Variants in CNTN4 observed in about 807,000 individuals in gnomAD.
CNTN4 encodes the protein contactin-4.
Under a neutral mutation model 122.5 loss-of-function variants are expected in CNTN4, and 77 were observed. That is an observed-to-expected ratio of 0.63 (90% CI 0.52 to 0.76). The LOEUF (loss-of-function observed/expected upper bound fraction) is 0.76. Among genes scored for constraint, CNTN4 ranks in the 30% least tolerant of loss-of-function variants. The probability of loss-of-function intolerance (pLI) is 0.00; values close to 1 mark genes in which losing one functional copy is unlikely to be tolerated. For missense variants in CNTN4, 1,256 were observed against 1,259.1 expected (o/e 1.00, Z 0.04); for synonymous variants, 512 against 447.0 (o/e 1.15, Z -1.83).
intron 13 of CNTN4, among the ~76,000 whole-genome samples, chr3:2,947,282 C>G (rs376623613): frequency 3.9e-5 from 6 of 152,170 alleles, no homozygotes; most frequent in Admixed American, 3.9e-4. Flanking sequence ...AGAATATGTT[C>G]TCTTATGCCC....
chr3:2,792,448 G>A (rs371682513), intron 6 of CNTN4, among the ~76,000 whole-genome samples: 1 of 152,154 alleles, frequency 6.6e-6, no homozygotes, highest in African/African-American at 2.4e-5. Flanking sequence ...TCTTAGTTTT[G>A]AGTGAGATGT....
chr3:2,718,650 A>T (rs1234028898), intron 4 of CNTN4, among the ~76,000 whole-genome samples: 1 of 152,082 alleles, frequency 6.6e-6, no homozygotes, highest in Non-Finnish European at 1.5e-5. Flanking sequence ...TGTATTTTTT[A>T]TTATTTTTGC....
At chr3:2,294,630 AAAC>A (rs965942108) in intron 2 of CNTN4, among the ~76,000 whole-genome samples, 17 of 152,130 alleles carry the variant, frequency 1.1e-4, no homozygotes, top group Non-Finnish European at 2.1e-4. Flanking sequence ...CCTGTTTCAA[AAAC>A]AACAACAACA....
intron 4 of CNTN4, among the ~76,000 whole-genome samples, chr3:2,627,660 A>ATTT (rs574105704): frequency 6.6e-6 from 1 of 151,470 alleles, no homozygotes; most frequent in East Asian, 1.9e-4. Context: ...CGCCTGGCTA[A>ATTT]TTTTTTGTAT....
intron 2 of CNTN4, among the ~76,000 whole-genome samples, chr3:2,125,923 G>GTGTGTGTGTA (rs1224674544): frequency 1.3e-5 from 2 of 150,690 alleles, no homozygotes; most frequent in Non-Finnish European, 3.0e-5. Flanking sequence ...GTGTGTGTGT[G>GTGTGTGTGTA]TGTGTATGTG....
intron 4 of CNTN4, among the ~76,000 whole-genome samples, chr3:2,672,186 TG>T (rs1020413282): frequency 6.6e-6 from 1 of 152,214 alleles, no homozygotes; most frequent in African/African-American, 2.4e-5. Flanking sequence ...TGCTGCCTTT[TG>T]TTTGGCTATG....
intron 4 of CNTN4, among the ~76,000 whole-genome samples, chr3:2,581,882 T>C (rs1432858435): frequency 2.0e-5 from 3 of 152,186 alleles, no homozygotes; most frequent in Non-Finnish European, 4.4e-5. Flanking sequence ...GCTAAGTGAA[T>C]GAAGCCAGAG....
At chr3:2,288,281 GC>G (rs929394303) in intron 2 of CNTN4, among the ~76,000 whole-genome samples, 6 of 152,160 alleles carry the variant, frequency 3.9e-5, no homozygotes, top group Admixed American at 3.9e-4. Flanking sequence ...TCTGGTGAGG[GC>G]CTCAGGCTGC....
intron 3 of CNTN4, among the ~76,000 whole-genome samples, chr3:2,538,409 A>G (rs1043682804): frequency 3.3e-5 from 5 of 152,094 alleles, no homozygotes; most frequent in Non-Finnish European, 5.9e-5. Context: ...TTCATAAACT[A>G]TTCTTTATCT....
At chr3:2,921,454 G>A (rs1027402149) in intron 12 of CNTN4, among the ~76,000 whole-genome samples, 2 of 152,174 alleles carry the variant, frequency 1.3e-5, no homozygotes, top group Admixed American at 6.5e-5. Context: ...GAAATTTGGG[G>A]TCTCATAATC....
intron 10 of CNTN4, among the ~76,000 whole-genome samples, chr3:2,895,762 C>T (rs1479387693): frequency 7.9e-5 from 12 of 152,188 alleles, no homozygotes; most frequent in Non-Finnish European, 1.3e-4. Context: ...GGGCTGGGCG[C>T]AGTGGCTCAC....
At chr3:2,964,802 C>A (rs1692134287) in intron 13 of CNTN4, among the ~76,000 whole-genome samples, 1 of 152,150 alleles carries the variant, frequency 6.6e-6, no homozygotes, top group Non-Finnish European at 1.5e-5. Context: ...GTTGAGAAAA[C>A]TGACACCTTT....
At chr3:2,843,518 G>A (rs960953995) in intron 7 of CNTN4, among the ~76,000 whole-genome samples, 1 of 152,118 alleles carries the variant, frequency 6.6e-6, no homozygotes, top group Non-Finnish European at 1.5e-5. Context: ...ATGTTTAATT[G>A]TAACCCCCCA....
Position 2,274,094 on chromosome 3 carries a change from G to A in CNTN4, c.-144-65084G>A, listed in dbSNP as rs151331689. Among the ~76,000 whole-genome samples, 162 of 152,100 alleles carry A rather than the reference G, an allele frequency of 1.1e-3. No homozygotes were observed. The East Asian group carries it at 0.029, about 27-fold the overall frequency. ...ACCCACATCTTCATCTAAAAATCAA[G>A]GAATGAGGCTGGATACCGTGGCTCA... On this transcript the variant is annotated intron_variant, in intron 2 of 24. Transcript: ENST00000418658.
At chr3:2,929,509 A>G (rs1043110026) in intron 13 of CNTN4, among the ~76,000 whole-genome samples, 1 of 152,196 alleles carries the variant, frequency 6.6e-6, no homozygotes, top group Admixed American at 6.5e-5. Flanking sequence ...ACCCAACTCA[A>G]AAGGACAAAC....
At chr3:2,905,690 A>G (rs2094222805) in intron 12 of CNTN4, among the ~76,000 whole-genome samples, 1 of 152,262 alleles carries the variant, frequency 6.6e-6, no homozygotes, top group Admixed American at 6.5e-5. Flanking sequence ...CATAAGAACA[A>G]TAAAGGCATG....
chr3:2,385,472 C>G lies in CNTN4; in HGVS notation c.-89+46239C>G, dbSNP rs938387792. ...TTGTATTAGTTTCTTAGGACTGCCA[C>G]AGCAAAGTACCATACACAGGGTGAC... On this transcript the variant is annotated intron_variant, in intron 3 of 24. Coordinates refer to ENST00000418658, the MANE Select transcript of CNTN4 (RefSeq NM_175607.3). The surrounding 1 kb of genome is among the most constrained non-coding windows in gnomAD (Gnocchi z 4.0). 6.6e-6 allele frequency among the ~76,000 whole-genome samples: 1 copy of G among 152,062 alleles called. No individual in the cohort carries two copies. The highest frequency in any genetic ancestry group is 1.5e-5 in the Non-Finnish European group (1 of 68,028).
At chr3:2,771,003 C>A (rs554324641) in intron 6 of CNTN4, among the ~76,000 whole-genome samples, 3 of 152,218 alleles carry the variant, frequency 2.0e-5, no homozygotes, top group Non-Finnish European at 4.4e-5. Flanking sequence ...TTCCCCTTCA[C>A]TGGTAGTGTC....
intron 13 of CNTN4, among the ~76,000 whole-genome samples, chr3:2,938,664 C>T (rs547805945): frequency 6.6e-6 from 1 of 152,278 alleles, no homozygotes; most frequent in South Asian, 2.1e-4. Context: ...TTTCCTGTTA[C>T]TCATTTCATA....
Sources: gnomAD v4.1 joint callset for allele counts (sites outside exome capture counted in the v4.1 genomes callset) on GRCh38, gnomAD v4.1.1 for gene constraint, Gnocchi (gnomAD v3.1) non-coding constraint, MANE v1.5 for transcripts, NCBI Gene and HGNC (gene_info 2026-07-23, HGNC 2026-07-21) for gene names.